Variants in CDH12 observed in about 807,000 individuals in gnomAD.
CDH12 encodes cadherin 12, also known as cadherin-12.
Under a neutral mutation model 74.1 loss-of-function variants are expected in CDH12, and 41 were observed. The ratio of observed to expected loss-of-function variants is 0.55; its 90% confidence interval spans 0.43 to 0.72. CDH12 has a LOEUF of 0.72. Among genes scored for constraint, CDH12 ranks in the 30% least tolerant of loss-of-function variants. The pLI is 0.00. For missense variants in CDH12, 945 were observed against 977.2 expected, an observed-to-expected ratio of 0.97 and a Z score of 0.44; for synonymous variants, 399 against 355.0, an observed-to-expected ratio of 1.12 and a Z score of -1.39.
At chr5:22,549,960 G>A (rs1282210854) in intron 1 of CDH12, among the ~76,000 whole-genome samples, 1 of 152,074 alleles carries the variant, frequency 6.6e-6, no homozygotes, top group African/African-American at 2.4e-5. Context: ...CTCTAAATTG[G>A]ATTCACGAAA....
intron 3 of CDH12, among the ~76,000 whole-genome samples, chr5:22,397,675 A>T (rs542892335): frequency 3.2e-4 from 49 of 152,270 alleles, no homozygotes; most frequent in South Asian, 2.1e-3. Context: ...AAGCAGTTAT[A>T]AGATATTGCT....
chr5:22,171,327 T>A (rs1005109643), intron 4 of CDH12, among the ~76,000 whole-genome samples: 5 of 151,928 alleles, frequency 3.3e-5, no homozygotes, highest in Admixed American at 2.6e-4. Context: ...CTACTTAGAA[T>A]AAATGTACTA....
intron 3 of CDH12, among the ~76,000 whole-genome samples, chr5:22,372,707 G>A (rs1013517080): frequency 2.6e-5 from 4 of 152,126 alleles, no homozygotes; most frequent in African/African-American, 9.7e-5. Context: ...GCCCGTAGCT[G>A]CCTTCCCACA....
At chr5:22,376,254 C>T (rs2126363696) in intron 3 of CDH12, among the ~76,000 whole-genome samples, 1 of 152,140 alleles carries the variant, frequency 6.6e-6, no homozygotes. Context: ...CAAACAATCT[C>T]ATGGAGACGG....
intron 5 of CDH12, among the ~76,000 whole-genome samples, chr5:22,063,860 G>GGA (rs1246049200): frequency 6.6e-6 from 1 of 152,046 alleles, no homozygotes; most frequent in Non-Finnish European, 1.5e-5. Context: ...TTTGGGGTTT[G>GGA]GAACTCTCTC....
In CDH12 at chr5:22,286,676, T is replaced by G. The variant is rs1176275997; in HGVS notation, c.-332-74033A>C. On this transcript the variant is annotated intron_variant, in intron 3 of 14. Coordinates refer to ENST00000382254, the MANE Select transcript of CDH12 (RefSeq NM_004061.5). ...ATAAATCACAGTTTCATTCTTTCTT[T>G]CCTTTTTTTTTTTTTTAACTTCACT... 9.4e-5 allele frequency among the ~76,000 whole-genome samples: 3 copies of G among 31,792 alleles called. No individual in the cohort carries two copies. In the East Asian group the frequency reaches 3.2e-3, roughly 33 times the overall value. 20.9% of individuals were successfully genotyped at this position (31,792 alleles called of 152,430 possible).
intron 4 of CDH12, among the ~76,000 whole-genome samples, chr5:22,086,387 C>A (rs909456041): frequency 6.6e-6 from 1 of 151,906 alleles, no homozygotes; most frequent in African/African-American, 2.4e-5. Context: ...CTCTGTCACC[C>A]GGGCTGGAGT....
chr5:22,434,144 C>T (rs1173186882), intron 2 of CDH12, among the ~76,000 whole-genome samples: 1 of 151,998 alleles, frequency 6.6e-6, no homozygotes, highest in Non-Finnish European at 1.5e-5. Flanking sequence ...TTGTGTAGAG[C>T]TATTCAAAAT....
chr5:22,725,545 C>A (rs1278697298), intron 1 of CDH12, among the ~76,000 whole-genome samples: 1 of 151,354 alleles, frequency 6.6e-6, no homozygotes, highest in Non-Finnish European at 1.5e-5. Context: ...ATCTTATAAG[C>A]AACAGAAATT....
At chr5:22,847,955 C>A (rs992936083) in intron 1 of CDH12, among the ~76,000 whole-genome samples, 6 of 152,070 alleles carry the variant, frequency 3.9e-5, no homozygotes, top group African/African-American at 1.2e-4. Context: ...GCGATCTCGG[C>A]TCACTGCAAC....
At chr5:22,263,286 C>A (rs1370766929) in intron 3 of CDH12, among the ~76,000 whole-genome samples, 1 of 151,856 alleles carries the variant, frequency 6.6e-6, no homozygotes, top group African/African-American at 2.4e-5. Context: ...GCCTGTAAGG[C>A]AACTATTTTG....
At chr5:22,411,746 T>C (rs916754088) in intron 2 of CDH12, among the ~76,000 whole-genome samples, 9 of 152,040 alleles carry the variant, frequency 5.9e-5, no homozygotes, top group African/African-American at 1.4e-4. Context: ...CTTTAATTGA[T>C]GTTACACTTT....
chr5:21,799,513 A>G (rs1746994051), intron 10 of CDH12, among the ~76,000 whole-genome samples: 1 of 152,208 alleles, frequency 6.6e-6, no homozygotes, highest in South Asian at 2.1e-4. Context: ...GGTGTGAACC[A>G]GAACTTCATC....
rs539114708 is a variant in CDH12, at chr5:22,008,435, G to C, written c.232-33050C>G. 8.0e-4 allele frequency among the ~76,000 whole-genome samples: 121 copies of C among 151,944 alleles called. 1 individual carries two copies. Among genetic ancestry groups the C allele is most frequent in the Admixed American group, 1.9e-3 (29 of 15,212 alleles). ...GTAGAGATGGAGTTTCACCTTGTTG[G>C]CCAGGCTGGTCTCCAACTCCTGACC... is the stretch of plus-strand genomic sequence containing the variant. On this transcript the variant is annotated intron_variant, in intron 5 of 14. Coordinates refer to ENST00000382254, the MANE Select transcript of CDH12 (RefSeq NM_004061.5).
intron 2 of CDH12, among the ~76,000 whole-genome samples, chr5:22,422,134 G>C (rs1368509757): frequency 2.0e-5 from 3 of 152,132 alleles, no homozygotes; most frequent in Non-Finnish European, 4.4e-5. Flanking sequence ...AGTGGTGAGA[G>C]AGGGCATTTT....
chr5:21,794,817 A>G (rs1746692155), intron 10 of CDH12, among the ~76,000 whole-genome samples: 1 of 151,354 alleles, frequency 6.6e-6, no homozygotes, highest in Admixed American at 6.6e-5. Context: ...CTAACACACT[A>G]TTTTTTCTTA....
intron 3 of CDH12, among the ~76,000 whole-genome samples, chr5:22,311,634 C>T (rs1738393169): frequency 7.0e-6 from 1 of 143,690 alleles, no homozygotes; most frequent in South Asian, 2.2e-4. Context: ...ACCTGGGAGG[C>T]AGAAGTTTTA....
At chr5:22,042,296 GAAT>G (rs2150184403) in intron 5 of CDH12, among the ~76,000 whole-genome samples, 1 of 151,804 alleles carries the variant, frequency 6.6e-6, no homozygotes, top group African/African-American at 2.4e-5. Flanking sequence ...AGAAGAAACT[GAAT>G]AATAAAGATC....
chr5:22,753,796 A>G (rs1375081028), intron 1 of CDH12, among the ~76,000 whole-genome samples: 10 of 152,000 alleles, frequency 6.6e-5, no homozygotes, highest in Admixed American at 6.6e-4. Flanking sequence ...GGTCCTCTAA[A>G]TTTTAACATT....
Sources: gnomAD v4.1 joint callset for allele counts (sites outside exome capture counted in the v4.1 genomes callset) on GRCh38, gnomAD v4.1.1 for gene constraint, MANE v1.5 for transcripts, NCBI Gene and HGNC (gene_info 2026-07-23, HGNC 2026-07-21) for gene names.